NBPF14: variants seen among roughly 807,000 people sequenced by gnomAD.
NBPF14 encodes the protein NBPF member 14, also known as NBPF family member NBPF14.
NBPF14 carries 104 observed loss-of-function variants against 91.2 expected under a neutral mutation model. That is an observed-to-expected ratio of 1.14 (90% CI 0.97 to 1.34). NBPF14 has a LOEUF of 1.34. Ranked by LOEUF, NBPF14 falls within the 40% of genes most tolerant of loss-of-function variation. The pLI is 0.00. For missense variants in NBPF14, 908 were observed against 783.0 expected, an observed-to-expected ratio of 1.16 and a Z score of -1.91; for synonymous variants, 294 against 303.8, an observed-to-expected ratio of 0.97 and a Z score of 0.34.
intron 12 of NBPF14, among the ~76,000 whole-genome samples, chr1:148,579,641 C>CA (rs1220372924): frequency 0.04 from 5,740 of 143,660 alleles, 100 homozygotes; most frequent in African/African-American, 0.14. Flanking sequence ...TTAAGGGCCC[C>CA]ATTTTCCCAA....
rs1326098751 is a variant in NBPF14, at chr1:148,572,588, T to C, written c.2613A>G (p.Lys871=). Reference sequence around the variant, plus strand: ...GTGAGTCCTGCAAGACTTCAGGCTCTTTCTCATCCAGCAGCTCCCTGCTGA... The same window carrying C: ...GTGAGTCCTGCAAGACTTCAGGCTCCTTCTCATCCAGCAGCTCCCTGCTGA... The change falls in exon 21 of 71, where the codon AAA becomes AAG. Residue 871 remains lysine (K), a synonymous_variant. Transcript: ENST00000619423. 29 of 632,290 alleles carry C rather than the reference T, an allele frequency of 4.6e-5. 6 individuals carry two copies. Among genetic ancestry groups the C allele is most frequent in the African/African-American group, 1.2e-4 (4 of 32,478 alleles). 39.2% of individuals were successfully genotyped at this position (632,290 alleles called of 1,614,324 possible). A position where few individuals can be genotyped will look rare whatever the true frequency, so the allele number is the denominator to read the frequency against.
intron 6 of NBPF14, among the ~76,000 whole-genome samples, chr1:148,590,196 C>T (rs1279668276): frequency 7.0e-6 from 1 of 142,102 alleles, no homozygotes; most frequent in Non-Finnish European, 1.6e-5. Flanking sequence ...ACTACAGGCG[C>T]CCACCACCAC....
intron 14 of NBPF14, among the ~76,000 whole-genome samples, 159 bp from the exon 15 acceptor site, chr1:148,577,514 T>C (rs878931706): frequency 1.3e-5 from 2 of 149,212 alleles, no homozygotes; most frequent in South Asian, 2.1e-4. Context: ...GGATAGACTA[T>C]GGCCAGGTAG....
At chr1:148,588,563 T>A (rs1270620965) in intron 7 of NBPF14, among the ~76,000 whole-genome samples, 1 of 152,004 alleles carries the variant, frequency 6.6e-6, no homozygotes, top group Non-Finnish European at 1.5e-5. Flanking sequence ...GGTCTCAAAC[T>A]CCTGACCTCA....
chr1:148,585,244 T>G, intron 9 of NBPF14, 31 bp from the exon 10 acceptor site: 1 of 1,588,778 alleles, frequency 6.3e-7, no homozygotes, highest in East Asian at 2.2e-5. Context: ...GTTCAGGTAT[T>G]TCCCACTTCA....
At chr1:148,531,854 CCTT>C (rs1653834668) in exon 71 of NBPF14, 1 of 99,806 alleles carries the variant, frequency 1.0e-5, no homozygotes, top group Admixed American at 1.1e-4. Context: ...ACAAACTAGA[CCTT>C]CTCTGCCCGC....
intron 2 of NBPF14, among the ~76,000 whole-genome samples, chr1:148,595,268 C>G (rs1663128278): frequency 6.8e-6 from 1 of 147,962 alleles, no homozygotes; most frequent in Non-Finnish European, 1.5e-5. Context: ...GATTGAGCCC[C>G]TTGGAGAAAA....
intron 16 of NBPF14, 70 bp from the exon 17 acceptor site, chr1:148,575,881 C>T: frequency 3.5e-6 from 1 of 281,962 alleles, no homozygotes; most frequent in Non-Finnish European, 6.2e-6. Flanking sequence ...AGCTAGATTT[C>T]ATGGCTAACA....
chr1:148,534,954 AG>A, intron 68 of NBPF14, 98 bp from the exon 69 acceptor site: 1 of 745,954 alleles, frequency 1.3e-6, no homozygotes. Context: ...CAGTTTAAAA[AG>A]AAAAAGGACA....
chr1:148,571,254 C>A (rs1295605898), intron 22 of NBPF14, among the ~76,000 whole-genome samples: 47 of 87,646 alleles, frequency 5.4e-4, no homozygotes, highest in African/African-American at 3.6e-3. Flanking sequence ...CACACACACA[C>A]ACACACACAC....
intron 6 of NBPF14, among the ~76,000 whole-genome samples, chr1:148,590,136 G>T (rs1380700865): frequency 2.2e-5 from 3 of 135,480 alleles, no homozygotes; most frequent in Non-Finnish European, 3.3e-5. Flanking sequence ...GCAAGCTCCG[G>T]TTCCTGGGTT....
At chr1:148,534,660 T>A (rs1191968398) in intron 69 of NBPF14, 24 bp downstream of exon 69, 13 of 839,418 alleles carry the variant, frequency 1.5e-5, no homozygotes, top group Non-Finnish European at 1.7e-5. Context: ...TGGAGGCTTA[T>A]CACCTTCATA....
intron 20 of NBPF14, 141 bp from the exon 21 acceptor site, chr1:148,572,756 T>G: frequency 1.8e-6 from 1 of 548,336 alleles, no homozygotes; most frequent in Non-Finnish European, 3.1e-6. Flanking sequence ...ATTATTGCCT[T>G]TATGTTGGGA....
chr1:148,534,591 C>A (rs1273699681), intron 69 of NBPF14, 93 bp downstream of exon 69: 16 of 861,472 alleles, frequency 1.9e-5, no homozygotes, highest in Non-Finnish European at 2.4e-5. Flanking sequence ...GCAATGACAT[C>A]TCTCGGGTGA....
chr1:148,586,988 T>A, intron 8 of NBPF14, among the ~76,000 whole-genome samples: 1 of 146,004 alleles, frequency 6.8e-6, no homozygotes, highest in East Asian at 1.9e-4. Context: ...AGTGGGGTGG[T>A]GATGGCACAC....
intron 64 of NBPF14, among the ~76,000 whole-genome samples, chr1:148,538,318 A>T (rs1655378337): frequency 3.8e-5 from 1 of 26,598 alleles, no homozygotes; most frequent in African/African-American, 2.0e-4. Flanking sequence ...GGACACTCTG[A>T]GTTAGTGCCC....
rs1175272875 is a variant in NBPF14, at chr1:148,534,846, C to A, written c.8452G>T (p.Glu2818Ter). 2.1e-5 allele frequency: 22 copies of A among 1,024,256 alleles called. No homozygotes were observed. Among genetic ancestry groups the A allele is most frequent in the Non-Finnish European group, 3.0e-5 (20 of 656,382 alleles). The allele number at this position is 1,024,256 out of a possible 1,614,324, so 63.4% of individuals were successfully genotyped here. ...TCAGGATCTTTCTCATCCAGCAGCT[C>A]CCTGCTGAGCCTGGAAAAGTAGGAA... Residue 2818 changes from glutamate to a stop codon, truncating the protein, a stop_gained, in exon 69 of 71, where the codon GAG becomes TAG. Coordinates refer to ENST00000619423, the Ensembl canonical transcript of NBPF14. LOFTEE classifies it high-confidence loss of function.
At chr1:148,591,642 A>T in intron 4 of NBPF14, 138 bp from the exon 5 acceptor site, 4 of 1,064,668 alleles carry the variant, frequency 3.8e-6, no homozygotes, top group Non-Finnish European at 5.5e-6. Context: ...ATCTTTCACA[A>T]AATGCCCTGG....
rs1658379692 is a variant in NBPF14 at position 148,566,525 on chromosome 1, ACAC to A, written c.3543-213_3543-211del. Among the ~76,000 whole-genome samples the A allele has an allele frequency of 9.8e-4, 129 of 131,218 alleles. 2 individuals carry two copies. The highest frequency in any genetic ancestry group is 3.3e-3 in the African/African-American group (127 of 38,794). The allele number at this position is 131,218 out of a possible 152,430, so 86.1% of individuals were successfully genotyped here. A position where few individuals can be genotyped will look rare whatever the true frequency, so the allele number is the denominator to read the frequency against. On this transcript the variant is annotated intron_variant, in intron 28 of 70. Transcript: ENST00000619423. ...GAAAGACAGACACACACACACACAC[ACAC>A]ACACACACACACAAACACACACACA...
Sources: gnomAD v4.1 joint callset for allele counts (sites outside exome capture counted in the v4.1 genomes callset) on GRCh38, gnomAD v4.1.1 for gene constraint, MANE v1.5 for transcripts, NCBI Gene and HGNC (gene_info 2026-07-23, HGNC 2026-07-21) for gene names.